USP18: variants seen among roughly 807,000 people sequenced by gnomAD.
The protein encoded by USP18 is ubiquitin specific peptidase 18, also known as ubl carboxyl-terminal hydrolase 18.
A neutral mutation model predicts 48.7 loss-of-function variants in USP18; 11 were observed. The ratio of observed to expected loss-of-function variants is 0.23; its 90% CI spans 0.14 to 0.37. The LOEUF (loss-of-function observed/expected upper bound fraction) is 0.37. USP18 is among the 10% of genes least tolerant of loss of function. The pLI is 1.00. For synonymous variants in USP18, 114 were observed against 163.2 expected, an observed-to-expected ratio of 0.70 and a Z score of 2.30; for missense variants, 285 against 436.4, an observed-to-expected ratio of 0.65 and a Z score of 3.09.
chr22:18,169,864 C>T lies in USP18; in HGVS notation c.648C>T (p.Phe216=). 2 of 1,603,076 alleles carry T rather than the reference C, an allele frequency of 1.2e-6. No individual in the cohort carries two copies. Among genetic ancestry groups the T allele is most frequent in the African/African-American group, 1.3e-5 (1 of 74,758 alleles). ...GACAGGAGGACGCCCTGCACTGCTT[C>T]TTCCAGCCCAGGGAGTTATCAAGCA... ...LKTLEDALHC[F]FQPRELSSKS... Residue 216 remains phenylalanine, a synonymous_variant, in exon 7 of 11, where the codon TTC becomes TTT. Transcript: ENST00000215794.
intron 8 of USP18, among the ~76,000 whole-genome samples, chr22:18,171,287 T>C (rs1289879756): frequency 1.3e-4 from 13 of 102,924 alleles, no homozygotes; most frequent in African/African-American, 5.0e-4. Flanking sequence ...CAGAGTAAAG[T>C]TTAATTCACT....
chr22:18,166,254 CCTCAA>C (rs1260939273), intron 4 of USP18, among the ~76,000 whole-genome samples: 1 of 152,182 alleles, frequency 6.6e-6, no homozygotes, highest in African/African-American at 2.4e-5. Flanking sequence ...TTATGGTTCT[CCTCAA>C]CTCAAGATTT....
intron 10 of USP18, among the ~76,000 whole-genome samples, chr22:18,174,964 AG>A (rs770368829): frequency 2.0e-5 from 3 of 152,058 alleles, no homozygotes; most frequent in Non-Finnish European, 4.4e-5. Context: ...CCCAGGCTGG[AG>A]TGCAGTAGCA....
Position 18,167,336 on chromosome 22 carries a change from T to C in USP18, c.480+2T>C, listed in dbSNP as rs1929501299. Reference sequence around the variant, plus strand: ...GACCAGATCACTGATGTGCACTTGGTAAGAACCTAGAACCAGAGCACTCGG... The same window carrying C: ...GACCAGATCACTGATGTGCACTTGGCAAGAACCTAGAACCAGAGCACTCGG... On this transcript the variant is annotated splice_donor_variant, in intron 5 of 10. Transcript: ENST00000215794. LOFTEE classifies it high-confidence loss of function. 6.2e-7 allele frequency: 1 copy of C among 1,613,670 alleles called. No homozygotes were observed. The highest frequency in any genetic ancestry group is 1.7e-5 in the Admixed American group (1 of 59,964).
At position 18,173,153 on chromosome 22, in the gene USP18, G is replaced by A; in HGVS notation, c.895G>A (p.Gly299Arg). 6.3e-7 allele frequency: 1 copy of A among 1,583,162 alleles called. No homozygotes were observed. Among genetic ancestry groups the A allele is most frequent in the Non-Finnish European group, 8.6e-7 (1 of 1,165,936 alleles). Reference protein sequence around the residue: ...RESCDAEEQSGGQYELFAVIA... With the variant: ...RESCDAEEQSRGQYELFAVIA... ...TCTCGTGCCTGTCTCTTTCCAGTCT[G>A]GAGGGCAGTATGAGCTTTTTGCTGT... The change falls in exon 9 of 11, where the codon GGA becomes AGA. Residue 299 changes from glycine to arginine, a missense_variant. Physicochemically the swap from Gly to Arg is moderately radical, Grantham distance 125. Transcript: ENST00000215794.
At chr22:18,155,756 T>C (rs1929114984) in intron 1 of USP18, among the ~76,000 whole-genome samples, 1 of 152,218 alleles carries the variant, frequency 6.6e-6, no homozygotes. Flanking sequence ...CCGCCATGCC[T>C]GAGCCTCCCC....
At chr22:18,173,741 G>A in intron 9 of USP18, 52 bp from the exon 10 acceptor site, 1 of 1,604,666 alleles carries the variant, frequency 6.2e-7, no homozygotes, top group Non-Finnish European at 8.5e-7. Flanking sequence ...CCTGTCCTCT[G>A]TGGGTGCTTG....
At chr22:18,165,858 C>T (rs368244533) in intron 4 of USP18, among the ~76,000 whole-genome samples, 2 of 150,790 alleles carry the variant, frequency 1.3e-5, no homozygotes, top group East Asian at 4.0e-4. Flanking sequence ...CTGCTGGGAA[C>T]TTGATAACTG....
At chr22:18,172,656 C>T (rs539188664) in intron 8 of USP18, among the ~76,000 whole-genome samples, 21 of 151,346 alleles carry the variant, frequency 1.4e-4, no homozygotes, top group Non-Finnish European at 2.8e-4. Context: ...ACAGATATTG[C>T]CCTGCATTTT....
At chr22:18,162,425 A>C (rs1929357891) in intron 4 of USP18, among the ~76,000 whole-genome samples, 1 of 150,926 alleles carries the variant, frequency 6.6e-6, no homozygotes, top group African/African-American at 2.4e-5. Flanking sequence ...CTAATTTCAT[A>C]ACATTTTCAT....
At chr22:18,155,614 C>T (rs143179553) in intron 1 of USP18, among the ~76,000 whole-genome samples, 4 of 151,758 alleles carry the variant, frequency 2.6e-5, no homozygotes, top group Non-Finnish European at 4.4e-5. Flanking sequence ...GGCCCGCACT[C>T]GGAGCGGCCA....
intron 4 of USP18, among the ~76,000 whole-genome samples, chr22:18,164,130 G>C (rs898039937): frequency 6.6e-6 from 1 of 152,220 alleles, no homozygotes; most frequent in Non-Finnish European, 1.5e-5. Context: ...TTGGAAGCTT[G>C]ACGCTATCTG....
chr22:18,167,206 G>A (rs755110384), intron 4 of USP18, 49 bp from the exon 5 acceptor site: 12 of 1,607,388 alleles, frequency 7.5e-6, no homozygotes, highest in Non-Finnish European at 9.4e-6. Flanking sequence ...GGCATGAGAA[G>A]CGACTCTGAA....
chr22:18,166,439 T>G (rs1929479748), intron 4 of USP18, among the ~76,000 whole-genome samples: 1 of 152,198 alleles, frequency 6.6e-6, no homozygotes, highest in Admixed American at 6.5e-5. Context: ...GGCTTCTCAG[T>G]GAAAGGTTCT....
At chr22:18,172,734 G>C (rs1929666123) in intron 8 of USP18, among the ~76,000 whole-genome samples, 3 of 151,006 alleles carry the variant, frequency 2.0e-5, no homozygotes, top group African/African-American at 7.3e-5. Flanking sequence ...GGGTGACTCA[G>C]CTTTGCGTCT....
chr22:18,160,340 C>G, intron 3 of USP18, 72 bp downstream of exon 3: 2 of 1,574,594 alleles, frequency 1.3e-6, no homozygotes, highest in African/African-American at 1.3e-5. Flanking sequence ...GAGTCTTGCT[C>G]TGTTGCCCAG....
chr22:18,152,586 T>C (rs1332122654), intron 1 of USP18, among the ~76,000 whole-genome samples: 3 of 152,126 alleles, frequency 2.0e-5, no homozygotes, highest in Non-Finnish European at 4.4e-5. Context: ...GGTCTTTTTT[T>C]GAGTCAGCAG....
intron 3 of USP18, among the ~76,000 whole-genome samples, chr22:18,160,537 C>CAG (rs1929301090): frequency 1.3e-5 from 2 of 151,760 alleles, no homozygotes; most frequent in Non-Finnish European, 2.9e-5. Context: ...CTCCTGACCT[C>CAG]GTGATCCACC....
chr22:18,150,538 T>C (rs558593661), intron 1 of USP18, among the ~76,000 whole-genome samples: 1 of 152,368 alleles, frequency 6.6e-6, no homozygotes, highest in South Asian at 2.1e-4. Flanking sequence ...TCATTTTTGT[T>C]TGTACCTTAT....
Sources: gnomAD v4.1 joint callset for allele counts (sites outside exome capture counted in the v4.1 genomes callset) on GRCh38, gnomAD v4.1.1 for gene constraint, MANE v1.5 for transcripts, NCBI Gene and HGNC (gene_info 2026-07-23, HGNC 2026-07-21) for gene names.